Variants in KCTD3 observed in about 807,000 individuals in gnomAD.
KCTD3 encodes potassium channel tetramerization domain containing 3.
KCTD3 carries 41 observed loss-of-function variants against 85.8 expected under a neutral mutation model. That is an observed-to-expected ratio of 0.48 (90% confidence interval 0.37 to 0.62). The LOEUF (loss-of-function observed/expected upper bound fraction) is 0.62. Among genes scored for constraint, KCTD3 ranks in the 20% least tolerant of loss-of-function variants. The pLI is 0.00. For missense variants in KCTD3, 724 were observed against 989.9 expected (o/e 0.73, Z 3.60); for synonymous variants, 338 against 345.4 (o/e 0.98, Z 0.24).
At chr1:215,584,505 C>G (rs190124862) in intron 8 of KCTD3, among the ~76,000 whole-genome samples, 3 of 152,222 alleles carry the variant, frequency 2.0e-5, no homozygotes, top group Non-Finnish European at 4.4e-5. Context: ...TTTATCATTG[C>G]CTGCAAATAC....
chr1:215,597,444 A>C (rs1236921476), intron 10 of KCTD3, among the ~76,000 whole-genome samples: 2 of 152,146 alleles, frequency 1.3e-5, no homozygotes, highest in African/African-American at 4.8e-5. Flanking sequence ...TTATATTGGA[A>C]ACATAGGTTA....
chr1:215,601,182 C>CCTT (rs1335073641), intron 10 of KCTD3, among the ~76,000 whole-genome samples: 6 of 142,486 alleles, frequency 4.2e-5, no homozygotes, highest in African/African-American at 1.8e-4. Context: ...GGTGATCTGC[C>CCTT]TGCCTCGGCA....
intron 1 of KCTD3, 80 bp downstream of exon 1, chr1:215,567,848 C>A: frequency 1.0e-6 from 1 of 1,000,194 alleles, no homozygotes; most frequent in Non-Finnish European, 1.3e-6. Context: ...CCGAGAGTCG[C>A]AGGAACGAGG....
intron 3 of KCTD3, among the ~76,000 whole-genome samples, chr1:215,575,018 G>A (rs971862775): frequency 5.3e-5 from 8 of 152,208 alleles, no homozygotes; most frequent in East Asian, 1.9e-4. Context: ...TTAGGAGGTC[G>A]AGGCAAGTGG....
intron 17 of KCTD3, among the ~76,000 whole-genome samples, chr1:215,619,812 CT>C (rs1553311703): frequency 1.3e-5 from 2 of 151,750 alleles, no homozygotes; most frequent in African/African-American, 4.8e-5. Context: ...TTCCTCCCAT[CT>C]TTTTTTTAGC....
chr1:215,617,157 C>T (rs149017450), intron 15 of KCTD3, among the ~76,000 whole-genome samples: 5 of 152,340 alleles, frequency 3.3e-5, no homozygotes, highest in Non-Finnish European at 7.3e-5. Context: ...CTCTATGCTC[C>T]TTCCCACACA....
At chr1:215,586,371 A>G (rs1660008826) in intron 8 of KCTD3, 124 bp from the exon 9 acceptor site, 2 of 743,804 alleles carry the variant, frequency 2.7e-6, no homozygotes, top group Non-Finnish European at 4.4e-6. Context: ...AGGAAGGTGG[A>G]TGGGTAACTG....
intron 15 of KCTD3, among the ~76,000 whole-genome samples, chr1:215,612,884 A>G (rs987828994): frequency 6.6e-6 from 1 of 152,094 alleles, no homozygotes; most frequent in African/African-American, 2.4e-5. Context: ...ATAACCTCAG[A>G]TTTTGCTTCA....
At chr1:215,617,008 A>G (rs1178206239) in intron 15 of KCTD3, among the ~76,000 whole-genome samples, 3 of 152,230 alleles carry the variant, frequency 2.0e-5, no homozygotes, top group African/African-American at 4.8e-5. Context: ...AAGTTGATCA[A>G]TGGCCAATGA....
At position 215,601,586 on chromosome 1, in the gene KCTD3, AGAG is replaced by A. The variant is rs1336808248; in HGVS notation, c.934-277_934-275del. Among the ~76,000 whole-genome samples the A allele has an allele frequency of 3.3e-5, 5 of 152,306 alleles. No homozygotes were observed. The South Asian group carries it at 8.3e-4, about 25-fold the overall frequency. ...CAATCTAGTGATCACATGCAAAAAAAGAGGAGACAACCAATCGAAATTGAGAAA... is the reference window on the plus strand; with the variant it reads ...CAATCTAGTGATCACATGCAAAAAAAGAGACAACCAATCGAAATTGAGAAA... On this transcript the variant is annotated intron_variant, in intron 10 of 17. Transcript: ENST00000259154.
Position 215,575,110 on chromosome 1 carries a change from G to A in KCTD3, c.184-791G>A, listed in dbSNP as rs1040199503. Among the ~76,000 whole-genome samples the A allele has an allele frequency of 2.6e-5, 4 of 152,178 alleles. No individual in the cohort carries two copies. In the South Asian group the frequency reaches 6.2e-4, roughly 24 times the overall value. The stretch of plus-strand genomic sequence containing the variant: ...CTACTAAAAACAGAAAAATTAACCC[G>A]GCATAGTGGCAGGTGCCTCTAATCC... On this transcript the variant is annotated intron_variant, in intron 3 of 17. Transcript: ENST00000259154.
rs866693415 is a variant in KCTD3, at chr1:215,567,796, C to T, written c.83+28C>T. 1.5e-5 allele frequency: 18 copies of T among 1,222,842 alleles called. No homozygotes were observed. In the Middle Eastern group the frequency reaches 6.3e-4, roughly 42 times the overall value. 75.7% of individuals were successfully genotyped at this position (1,222,842 alleles called of 1,614,324 possible). ...GAGTCGGCGGGTAGCGGGCTTGCAG[C>T]GGGGATGCCTTGGCGGCCTCCTCCT... On this transcript the variant is annotated intron_variant, in intron 1 of 17. Coordinates refer to ENST00000259154, the MANE Select transcript of KCTD3 (RefSeq NM_016121.5).
chr1:215,601,928 G>A lies in KCTD3; in HGVS notation c.995G>A (p.Cys332Tyr). Residue 332 changes from cysteine (C) to tyrosine (Y), a missense_variant, in exon 11 of 18, where the codon TGT becomes TAT. Cys to Tyr is a radical substitution (Grantham distance 194). This residue lies in a region of KCTD3 where 146 missense variants were observed against 320.3 expected (regional missense o/e 0.46). Coordinates refer to ENST00000259154, the MANE Select transcript of KCTD3 (RefSeq NM_016121.5). ...DTAGSFLLLG[C>Y]NNGSIYYIDM... is the part of the protein sequence containing the mutation. ...GCTGGATCATTCCTTCTGCTTGGAT[G>A]TAACAATGGATCAATATATTACATA... The A allele has an allele frequency of 1.2e-6, 2 of 1,604,186 alleles. No homozygotes were observed. The highest frequency in any genetic ancestry group is 1.7e-6 in the Non-Finnish European group (2 of 1,171,536).
At chr1:215,596,290 A>G (rs1481217720) in intron 10 of KCTD3, among the ~76,000 whole-genome samples, 1 of 152,164 alleles carries the variant, frequency 6.6e-6, no homozygotes, top group African/African-American at 2.4e-5. Flanking sequence ...TAGATTGATT[A>G]ATATGTTTAC....
intron 17 of KCTD3, 110 bp from the exon 18 acceptor site, chr1:215,619,946 TA>T: frequency 1.5e-6 from 1 of 679,974 alleles, no homozygotes. Flanking sequence ...AATATGGATA[TA>T]ATACACTTTA....
At chr1:215,585,319 A>G (rs753068948) in intron 8 of KCTD3, among the ~76,000 whole-genome samples, 11 of 152,116 alleles carry the variant, frequency 7.2e-5, no homozygotes, top group Non-Finnish European at 1.5e-4. Context: ...AAATTGATAC[A>G]TTTTTCTCTA....
In KCTD3 at chr1:215,619,011, G is replaced by C; in HGVS notation, c.1688G>C (p.Ser563Thr). ...RYLFTGHTNG[S>T]IQMWDLTTAM... The stretch of plus-strand genomic sequence containing the variant: ...TTGTTCACAGGCCATACAAATGGCA[G>C]TATTCAAATGTGGGATCTGACCACT... The change falls in exon 16 of 18, where the codon AGT (serine) becomes ACT (threonine). Residue 563 changes from serine to threonine, a missense_variant. By Grantham distance (58) the Ser-to-Thr change is moderately conservative. Around this residue, in one of 6 missense-constraint regions of KCTD3, gnomAD observed 136 missense variants for 197.6 expected, o/e 0.69. Transcript: ENST00000259154. The C allele has an allele frequency of 6.2e-7, 1 of 1,613,936 alleles. No individual in the cohort carries two copies. Among genetic ancestry groups the C allele is most frequent in the Non-Finnish European group, 8.5e-7 (1 of 1,179,938 alleles).
chr1:215,619,762 A>G (rs1243391819), intron 17 of KCTD3, among the ~76,000 whole-genome samples: 1 of 152,168 alleles, frequency 6.6e-6, no homozygotes, highest in African/African-American at 2.4e-5. Flanking sequence ...CAAGGGCTAA[A>G]TACTGAATTA....
In KCTD3 at chr1:215,604,217, G is replaced by T. The variant is rs35231115; in HGVS notation, c.1224G>T (p.Gly408=). 1 of 1,613,904 alleles carries T rather than the reference G, an allele frequency of 6.2e-7. No individual in the cohort carries two copies. Among genetic ancestry groups the T allele is most frequent in the Admixed American group, 1.7e-5 (1 of 60,012 alleles). The change falls in exon 13 of 18, where the codon GGG becomes GGT. Residue 408 remains glycine, a synonymous_variant. Transcript: ENST00000259154. ...RVIVQHPETV[G]SGPQLFQTFT... ...TTGTACAACACCCAGAGACAGTTGG[G>T]TCAGGTCCTCAGCTTTTTCAGACTT... is the stretch of plus-strand genomic sequence containing the variant.
Sources: allele counts gnomAD v4.1 joint callset (sites outside exome capture counted in the v4.1 genomes callset), GRCh38; gene constraint gnomAD v4.1.1; regional missense constraint gnomAD v4.1.1; transcripts MANE v1.5; gene names NCBI Gene and HGNC (gene_info 2026-07-23, HGNC 2026-07-21).